Variants in MECOM observed in about 807,000 individuals in gnomAD.
The protein encoded by MECOM is histone-lysine N-methyltransferase MECOM.
In MECOM, 13 loss-of-function variants were observed where a neutral mutation model predicts 116.3. The ratio of observed to expected loss-of-function variants is 0.11; its 90% confidence interval spans 0.07 to 0.18. The LOEUF (loss-of-function observed/expected upper bound fraction) is 0.18, where lower values mean the gene tolerates loss of function less well. Among genes scored for constraint, MECOM ranks in the 10% least tolerant of loss-of-function variants. The pLI, the probability that MECOM is intolerant of heterozygous loss-of-function variation, is 1.00. For missense variants in MECOM, 1,299 were observed against 1,509.0 expected, an observed-to-expected ratio of 0.86 and a Z score of 2.31; for synonymous variants, 528 against 535.2, an observed-to-expected ratio of 0.99 and a Z score of 0.19.
At chr3:169,348,529 C>T (rs1725762797) in intron 2 of MECOM, among the ~76,000 whole-genome samples, 1 of 151,984 alleles carries the variant, frequency 6.6e-6, no homozygotes, top group African/African-American at 2.4e-5. Context: ...CACACCTTTT[C>T]ATGGGATTCT....
intron 1 of MECOM, among the ~76,000 whole-genome samples, chr3:169,533,344 T>TGG (rs2109163060): frequency 6.6e-6 from 1 of 152,324 alleles, no homozygotes; most frequent in African/African-American, 2.4e-5. Context: ...GTCGTGATGG[T>TGG]GGCATTGCTA....
chr3:169,174,029 C>G (rs1744808260), intron 2 of MECOM, among the ~76,000 whole-genome samples: 2 of 152,156 alleles, frequency 1.3e-5, no homozygotes, highest in South Asian at 4.1e-4. Context: ...TGTCTCTTTG[C>G]CCAGCATATC....
intron 2 of MECOM, among the ~76,000 whole-genome samples, chr3:169,373,077 T>C (rs1340277388): frequency 6.6e-6 from 1 of 152,058 alleles, no homozygotes; most frequent in Non-Finnish European, 1.5e-5. Flanking sequence ...CTAAAGTTCA[T>C]AACCTGAGAA....
intron 1 of MECOM, among the ~76,000 whole-genome samples, chr3:169,508,420 A>G (rs2109014151): frequency 6.6e-6 from 1 of 152,194 alleles, no homozygotes; most frequent in South Asian, 2.1e-4. Flanking sequence ...CAAAAAAAAA[A>G]AGACAAAAGA....
At chr3:169,100,457 G>T (rs1723209289) in intron 12 of MECOM, among the ~76,000 whole-genome samples, 1 of 151,824 alleles carries the variant, frequency 6.6e-6, no homozygotes, top group South Asian at 2.1e-4. Flanking sequence ...AGCTGTGCTG[G>T]GGGAAAAAAA....
chr3:169,335,145 C>T (rs1577753041), intron 2 of MECOM, among the ~76,000 whole-genome samples: 2 of 152,054 alleles, frequency 1.3e-5, no homozygotes, highest in East Asian at 3.9e-4. Flanking sequence ...TTGAGCTCTG[C>T]TCACCACTGG....
At chr3:169,189,479 C>T (rs1262129377) in intron 2 of MECOM, among the ~76,000 whole-genome samples, 24 of 152,002 alleles carry the variant, frequency 1.6e-4, no homozygotes, top group Admixed American at 1.6e-3. Context: ...ATGAGCCCTG[C>T]ATCTTCTGGA....
chr3:169,375,141 G>A (rs1418680123), intron 2 of MECOM, among the ~76,000 whole-genome samples: 1 of 151,872 alleles, frequency 6.6e-6, no homozygotes, highest in East Asian at 1.9e-4. Flanking sequence ...CAGTTTCCCA[G>A]GTAGAAAGAA....
intron 3 of MECOM, 74 bp downstream of exon 3, chr3:169,143,624 G>T: frequency 7.0e-7 from 1 of 1,421,690 alleles, no homozygotes; most frequent in Non-Finnish European, 9.4e-7. Flanking sequence ...GCAGCTTACT[G>T]TTATTTTTAT....
At chr3:169,511,956 T>C (rs1756025005) in intron 1 of MECOM, among the ~76,000 whole-genome samples, 1 of 152,158 alleles carries the variant, frequency 6.6e-6, no homozygotes, top group African/African-American at 2.4e-5. Context: ...TTAAATGTTC[T>C]TTTCTGGACA....
In MECOM at chr3:169,243,482, G is replaced by A. The variant is rs149359182; in HGVS notation, c.376-99650C>T. Among the ~76,000 whole-genome samples, 237 of 152,100 alleles carry A rather than the reference G, an allele frequency of 1.6e-3. 2 individuals carry two copies. The highest frequency in any genetic ancestry group is 8.1e-3 in the South Asian group (39 of 4,814). On this transcript the variant is annotated intron_variant, in intron 2 of 16. Transcript: ENST00000651503. Reference sequence around the variant, plus strand: ...TATTCTAGGGTTTTTATTGACTTTTGTGCTGGGCAGCTCTTAGGCATTTCA... The same window carrying A: ...TATTCTAGGGTTTTTATTGACTTTTATGCTGGGCAGCTCTTAGGCATTTCA...
intron 1 of MECOM, among the ~76,000 whole-genome samples, chr3:169,444,536 A>T (rs371212426): frequency 6.7e-6 from 1 of 148,916 alleles, no homozygotes; most frequent in Non-Finnish European, 1.5e-5. Flanking sequence ...AGTGCCTTTC[A>T]CCCCCCGCCA....
Position 169,564,759 on chromosome 3 carries a change from A to C in MECOM, c.37+98577T>G, listed in dbSNP as rs542393595. 1.9e-3 allele frequency among the ~76,000 whole-genome samples: 292 copies of C among 152,242 alleles called. 1 individual carries two copies. Among genetic ancestry groups the C allele is most frequent in the Non-Finnish European group, 3.0e-3 (203 of 68,014 alleles). ...CATGTAATGAGGTTCAATTTAAAGA[A>C]CTCTCTTCACTACATGATTTCATCT... On this transcript the variant is annotated intron_variant, in intron 1 of 16. Coordinates refer to ENST00000651503, the MANE Select transcript of MECOM (RefSeq NM_004991.4).
intron 1 of MECOM, among the ~76,000 whole-genome samples, chr3:169,626,918 A>G (rs1771450966): frequency 6.6e-6 from 1 of 151,768 alleles, no homozygotes. Flanking sequence ...ATATGTCTCC[A>G]TAAACATCTT....
chr3:169,277,601 T>TTA (rs1759764183), intron 2 of MECOM, among the ~76,000 whole-genome samples: 1 of 152,168 alleles, frequency 6.6e-6, no homozygotes, highest in Non-Finnish European at 1.5e-5. Context: ...ACATAGTCTT[T>TTA]TATTATTTCC....
chr3:169,224,479 C>A (rs1239062806), intron 2 of MECOM, among the ~76,000 whole-genome samples: 1 of 152,174 alleles, frequency 6.6e-6, no homozygotes, highest in African/African-American at 2.4e-5. Flanking sequence ...AGCCCCAACA[C>A]TTTCCCAGGC....
chr3:169,100,066 A>T (rs1406655313), intron 12 of MECOM, among the ~76,000 whole-genome samples: 1 of 138,642 alleles, frequency 7.2e-6, no homozygotes, highest in African/African-American at 2.7e-5. Context: ...CAGGTTTAAG[A>T]TCTATTCTTT....
rs550514231 is a variant in MECOM, at chr3:169,130,775, G to A, written c.613+654C>T. 1.2e-4 allele frequency among the ~76,000 whole-genome samples: 18 copies of A among 150,024 alleles called. No homozygotes were observed. In the East Asian group the frequency reaches 3.1e-3, roughly 26 times the overall value. On this transcript the variant is annotated intron_variant, in intron 4 of 16. Transcript: ENST00000651503. ...ATCACAGTATACTTGGACACAGAAA[G>A]AGGAAAAAGAAAAATATATATTAAA...
At chr3:169,661,784 G>A (rs1396856815) in intron 1 of MECOM, among the ~76,000 whole-genome samples, 1 of 152,216 alleles carries the variant, frequency 6.6e-6, no homozygotes, top group South Asian at 2.1e-4. Context: ...GTTCTAATGT[G>A]CGAGGGTCGC....
Sources: gnomAD v4.1 joint callset for allele counts (sites outside exome capture counted in the v4.1 genomes callset) on GRCh38, gnomAD v4.1.1 for gene constraint, MANE v1.5 for transcripts, NCBI Gene and HGNC (gene_info 2026-07-23, HGNC 2026-07-21) for gene names.